The following THSD4 variants were observed in gnomAD, a reference collection of about 807,000 sequenced individuals.
THSD4 encodes thrombospondin type-1 domain-containing protein 4.
Under a neutral mutation model 119.0 loss-of-function variants are expected in THSD4, and 69 were observed. That is an observed-to-expected ratio of 0.58 (90% CI 0.48 to 0.71). The LOEUF is 0.71. THSD4 is among the 30% of genes least tolerant of loss of function. The pLI, the probability that THSD4 is intolerant of heterozygous loss-of-function variation, is 0.00. For synonymous variants in THSD4, 524 were observed against 540.4 expected (o/e 0.97, Z 0.42); for missense variants, 1,393 against 1,391.1 (o/e 1.00, Z -0.02).
At chr15:71,451,869 G>T (rs1375683994) in intron 7 of THSD4, among the ~76,000 whole-genome samples, 1 of 152,170 alleles carries the variant, frequency 6.6e-6, no homozygotes. Context: ...CTTCTCTGCT[G>T]GTTCGTGCTG....
intron 8 of THSD4, among the ~76,000 whole-genome samples, chr15:71,681,905 A>G (rs1288360446): frequency 1.3e-5 from 2 of 152,092 alleles, no homozygotes; most frequent in Non-Finnish European, 2.9e-5. Flanking sequence ...TCCTCTTTTA[A>G]TATGAATACT....
intron 7 of THSD4, among the ~76,000 whole-genome samples, chr15:71,613,952 G>C (rs577192974): frequency 6.6e-6 from 1 of 152,210 alleles, no homozygotes; most frequent in East Asian, 1.9e-4. Flanking sequence ...TCAATAAATA[G>C]ACCCTTTTCT....
chr15:71,359,443 G>A (rs1365897790), intron 6 of THSD4, among the ~76,000 whole-genome samples: 1 of 152,202 alleles, frequency 6.6e-6, no homozygotes, highest in Non-Finnish European at 1.5e-5. Flanking sequence ...TTACAGATGA[G>A]CAAACTGAGG....
chr15:71,637,657 G>A (rs1595814915), intron 7 of THSD4, among the ~76,000 whole-genome samples: 1 of 152,150 alleles, frequency 6.6e-6, no homozygotes, highest in Admixed American at 6.5e-5. Context: ...TGGGGGAGGT[G>A]GCAATGGGGA....
intron 7 of THSD4, among the ~76,000 whole-genome samples, chr15:71,510,427 A>C (rs926611376): frequency 6.6e-6 from 1 of 152,246 alleles, no homozygotes; most frequent in Admixed American, 6.5e-5. Flanking sequence ...TAATAAATGC[A>C]CGGACATAGA....
intron 8 of THSD4, among the ~76,000 whole-genome samples, chr15:71,719,789 C>T (rs1378844382): frequency 6.6e-6 from 1 of 152,128 alleles, no homozygotes; most frequent in Admixed American, 6.5e-5. Context: ...AATCCTCCCA[C>T]CTCAGCCTCC....
At chr15:71,227,608 A>G (rs1237324233) in intron 4 of THSD4, among the ~76,000 whole-genome samples, 1 of 152,174 alleles carries the variant, frequency 6.6e-6, no homozygotes, top group East Asian at 1.9e-4. Flanking sequence ...GACATGTACT[A>G]TTTGAGCCTC....
At chr15:71,556,790 T>C (rs2049025575) in intron 7 of THSD4, among the ~76,000 whole-genome samples, 1 of 150,964 alleles carries the variant, frequency 6.6e-6, no homozygotes, top group Non-Finnish European at 1.5e-5. Flanking sequence ...GTACAACTGA[T>C]GTTATATCAA....
intron 5 of THSD4, 40 bp downstream of exon 5, chr15:71,243,136 C>T: frequency 1.3e-6 from 2 of 1,561,358 alleles, no homozygotes; most frequent in Admixed American, 1.9e-5. Context: ...GAAACAGCTG[C>T]CCCTCGTTTT....
In THSD4 at chr15:71,439,450, C is replaced by T. The variant is rs147750670; in HGVS notation, c.1152+27627C>T. The stretch of plus-strand genomic sequence containing the variant: ...AAATTAGTTCAACCATTGTGGAAGA[C>T]AGTGTGATGATTCATCAAGGATCTA... On this transcript the variant is annotated intron_variant, in intron 7 of 17. Transcript: ENST00000261862. Among the ~76,000 whole-genome samples, 842 of 152,254 alleles carry T rather than the reference C, an allele frequency of 5.5e-3. 7 individuals carry two copies. Among genetic ancestry groups the T allele is most frequent in the African/African-American group, 0.02 (810 of 41,526 alleles).
intron 7 of THSD4, among the ~76,000 whole-genome samples, chr15:71,607,702 T>G (rs1196381472): frequency 6.6e-6 from 1 of 151,948 alleles, no homozygotes; most frequent in Non-Finnish European, 1.5e-5. Context: ...ACCTATGATG[T>G]TTTCCAGGTG....
chr15:71,184,775 C>T (rs942291286), intron 3 of THSD4, among the ~76,000 whole-genome samples: 1 of 151,858 alleles, frequency 6.6e-6, no homozygotes, highest in South Asian at 2.1e-4. Flanking sequence ...TAAGCTCCTA[C>T]ATTCCATCCT....
At chr15:71,649,066 A>C (rs917215387) in intron 7 of THSD4, among the ~76,000 whole-genome samples, 6 of 152,130 alleles carry the variant, frequency 3.9e-5, no homozygotes, top group Non-Finnish European at 8.8e-5. Context: ...GTAGAAAAGA[A>C]ATTTTTGTTA....
At chr15:71,308,057 AC>A (rs2045056368) in intron 6 of THSD4, among the ~76,000 whole-genome samples, 1 of 152,110 alleles carries the variant, frequency 6.6e-6, no homozygotes, top group African/African-American at 2.4e-5. Context: ...TGTGTGACTG[AC>A]CTCTAGTTTC....
chr15:71,568,422 A>C (rs906427179), intron 7 of THSD4, among the ~76,000 whole-genome samples: 3 of 152,132 alleles, frequency 2.0e-5, no homozygotes, highest in African/African-American at 2.4e-5. Context: ...ATTTTGCTGA[A>C]TCAGGATTCA....
intron 7 of THSD4, among the ~76,000 whole-genome samples, chr15:71,579,017 G>A (rs2049510140): frequency 6.6e-6 from 1 of 151,724 alleles, no homozygotes; most frequent in African/African-American, 2.4e-5. Flanking sequence ...CTAATTTTTT[G>A]TATTTTTAGT....
chr15:71,493,951 T>G (rs1051292653), intron 7 of THSD4, among the ~76,000 whole-genome samples: 19 of 152,214 alleles, frequency 1.2e-4, no homozygotes, highest in South Asian at 4.1e-4. Flanking sequence ...AGGACTGGCC[T>G]TTAGAGCACT....
Position 71,212,864 on chromosome 15 carries a change from A to C in THSD4, c.100-2171A>C, listed in dbSNP as rs533878112. 2.4e-4 allele frequency among the ~76,000 whole-genome samples: 36 copies of C among 152,300 alleles called. No individual in the cohort carries two copies. In the Middle Eastern group the frequency reaches 0.02, roughly 86 times the overall value. ...GCTGGGGGAGCTGAGGGGCCCTGGA[A>C]AGTGTTAACTGGCGCTAGTGCTGCC... is the stretch of plus-strand genomic sequence containing the variant. On this transcript the variant is annotated intron_variant, in intron 3 of 17. Transcript: ENST00000261862.
chr15:71,746,410 T>C (rs12372952), intron 12 of THSD4, among the ~76,000 whole-genome samples: 75,076 of 151,932 alleles, frequency 0.49, 19,987 homozygotes, highest in Admixed American at 0.64. Flanking sequence ...CTTTTCTTTT[T>C]TTGAGACAGG....
Sources: allele counts gnomAD v4.1 joint callset (sites outside exome capture counted in the v4.1 genomes callset), GRCh38; gene constraint gnomAD v4.1.1; transcripts MANE v1.5; gene names NCBI Gene and HGNC (gene_info 2026-07-23, HGNC 2026-07-21).